Variants in AHCY observed in about 807,000 individuals in gnomAD.
The protein encoded by AHCY is adenosylhomocysteinase, also known as S-adenosyl-L-homocysteine hydrolase.
In AHCY, 24 loss-of-function variants were observed where a neutral mutation model predicts 45.4. The ratio of observed to expected loss-of-function variants is 0.53; its 90% CI spans 0.38 to 0.74. AHCY has a LOEUF of 0.74. AHCY is among the 30% of genes least tolerant of loss of function. AHCY has a pLI of 0.00. For missense variants in AHCY, 449 were observed against 594.1 expected (o/e 0.76, Z 2.54); for synonymous variants, 245 against 235.1 (o/e 1.04, Z -0.39).
intron 1 of AHCY, chr20:34,303,031 G>A: frequency 4.1e-6 from 4 of 985,482 alleles, no homozygotes; most frequent in Non-Finnish European, 4.8e-6. Flanking sequence ...CGCGGGGCAT[G>A]CTGGGACTTG....
At chr20:34,263,490 G>A in the AHCY span, among the ~76,000 whole-genome samples, 27 of 152,004 alleles carry the variant, frequency 1.8e-4, no homozygotes, top group Admixed American at 1.3e-3. Flanking sequence ...GCTTGTACCC[G>A]GGAGGTGGAG....
the AHCY span, among the ~76,000 whole-genome samples, chr20:34,267,459 CAAAA>C: frequency 1.7e-4 from 8 of 46,280 alleles, no homozygotes; most frequent in African/African-American, 5.9e-4. Flanking sequence ...AACTGGCTCT[CAAAA>C]AAAAAAAAAA....
At chr20:34,297,446 C>T (rs2122795643) in intron 1 of AHCY, among the ~76,000 whole-genome samples, 1 of 152,038 alleles carries the variant, frequency 6.6e-6, no homozygotes, top group Non-Finnish European at 1.5e-5. Context: ...TACAGGAACT[C>T]GCCACCATGC....
At chr20:34,275,163 C>T in the AHCY span, among the ~76,000 whole-genome samples, 112 of 145,172 alleles carry the variant, frequency 7.7e-4, no homozygotes, top group Non-Finnish European at 1.3e-3. Flanking sequence ...GATGGAGTCT[C>T]GCTCTGTCAC....
intron 1 of AHCY, among the ~76,000 whole-genome samples, chr20:34,296,964 C>G (rs1247959136): frequency 6.6e-6 from 1 of 152,126 alleles, no homozygotes; most frequent in Non-Finnish European, 1.5e-5. Flanking sequence ...TCAAGCCACC[C>G]ACCCCAGCCC....
At chr20:34,258,346 CTT>C in the AHCY span, among the ~76,000 whole-genome samples, 2 of 138,388 alleles carry the variant, frequency 1.4e-5, no homozygotes, top group Admixed American at 7.4e-5. Context: ...GTTGGATATT[CTT>C]TTTTTTTTTT....
intron 3 of AHCY, chr20:34,293,850 G>A (rs1161034828): frequency 1.3e-5 from 8 of 595,724 alleles, no homozygotes; most frequent in Non-Finnish European, 2.1e-5. Flanking sequence ...ATAAGATCTT[G>A]CTCTTCCTGG....
the AHCY span, among the ~76,000 whole-genome samples, chr20:34,256,159 C>G: frequency 1.3e-5 from 2 of 152,232 alleles, no homozygotes; most frequent in Admixed American, 6.5e-5. Context: ...TCTCTCTCCG[C>G]CTCGGCTGCC....
At chr20:34,306,616 G>A (rs189546653), upstream of AHCY, among the ~76,000 whole-genome samples, 2 of 152,196 alleles carry the variant, frequency 1.3e-5, no homozygotes, top group African/African-American at 2.4e-5. Flanking sequence ...TGATCCTCCC[G>A]CCTTGGCCTT....
chr20:34,235,905 A>G, the AHCY span, among the ~76,000 whole-genome samples: 46 of 94,040 alleles, frequency 4.9e-4, 5 homozygotes, highest in African/African-American at 3.1e-3. Context: ...AAGGAAAGGA[A>G]GGAAGGAAGG....
At chr20:34,302,064 A>C (rs1362092851) in intron 1 of AHCY, 1 of 867,424 alleles carries the variant, frequency 1.2e-6, no homozygotes, top group Admixed American at 6.3e-5. Flanking sequence ...GTGGTGGTGC[A>C]ATCTCGGCTC....
chr20:34,297,431 G>A (rs2036610898), intron 1 of AHCY, among the ~76,000 whole-genome samples: 1 of 151,988 alleles, frequency 6.6e-6, no homozygotes, highest in Non-Finnish European at 1.5e-5. Context: ...CCCAATAGCT[G>A]GGATTACAGG....
chr20:34,264,267 AC>A, the AHCY span, among the ~76,000 whole-genome samples: 61 of 152,364 alleles, frequency 4.0e-4, 1 homozygote, highest in African/African-American at 1.5e-3. Flanking sequence ...CAACTGCAGT[AC>A]ATACTGTACT....
chr20:34,303,622 C>G (rs917809498), upstream of AHCY, among the ~76,000 whole-genome samples: 2 of 152,214 alleles, frequency 1.3e-5, no homozygotes, highest in African/African-American at 4.8e-5. Context: ...ACTGAAATTC[C>G]GCCAGTTCAC....
chr20:34,304,293 G>A (rs1313686250), upstream of AHCY, among the ~76,000 whole-genome samples: 2 of 152,118 alleles, frequency 1.3e-5, no homozygotes, highest in African/African-American at 4.8e-5. Flanking sequence ...TCCCAGGCAT[G>A]GGAAGGGGAA....
intron 1 of AHCY, 74 bp downstream of exon 1, chr20:34,303,169 C>T: frequency 1.3e-6 from 2 of 1,547,626 alleles, no homozygotes; most frequent in Non-Finnish European, 1.7e-6. Flanking sequence ...CGAGTCGGCC[C>T]TGCAGCCCCC....
At chr20:34,241,227 C>G in the AHCY span, among the ~76,000 whole-genome samples, 7 of 152,246 alleles carry the variant, frequency 4.6e-5, no homozygotes, top group Admixed American at 3.9e-4. Flanking sequence ...AAAGGATAAC[C>G]CTTTACCTTT....
At chr20:34,271,514 C>A in the AHCY span, among the ~76,000 whole-genome samples, 3 of 151,328 alleles carry the variant, frequency 2.0e-5, no homozygotes, top group Admixed American at 2.0e-4. Context: ...TCCTGAAGGG[C>A]ATAGCCTTAA....
upstream of AHCY, among the ~76,000 whole-genome samples, chr20:34,305,747 T>C (rs936046889): frequency 1.3e-5 from 2 of 152,086 alleles, no homozygotes; most frequent in African/African-American, 4.8e-5. Flanking sequence ...TTGTAAGGAA[T>C]GTAATAAAAT....
Sources: gnomAD v4.1 joint callset for allele counts (sites outside exome capture counted in the v4.1 genomes callset) on GRCh38, gnomAD v4.1.1 for gene constraint, MANE v1.5 for transcripts, NCBI Gene and HGNC (gene_info 2026-07-23, HGNC 2026-07-21) for gene names.